FOXP1: variants seen among roughly 807,000 people sequenced by gnomAD.
FOXP1 encodes the protein forkhead box protein P1.
A neutral mutation model predicts 98.2 loss-of-function variants in FOXP1; 15 were observed. The ratio of observed to expected loss-of-function variants is 0.15; its 90% CI spans 0.10 to 0.24. FOXP1 has a LOEUF of 0.24. Among genes scored for constraint, FOXP1 ranks in the 10% least tolerant of loss-of-function variants. The pLI, the probability that FOXP1 is intolerant of heterozygous loss-of-function variation, is 1.00. For missense variants in FOXP1, 633 were observed against 848.5 expected (o/e 0.75, Z 3.15); for synonymous variants, 371 against 314.5 (o/e 1.18, Z -1.90).
At chr3:70,982,760 T>C (rs947438566) in intron 14 of FOXP1, among the ~76,000 whole-genome samples, 3 of 152,084 alleles carry the variant, frequency 2.0e-5, no homozygotes, top group African/African-American at 7.2e-5. Context: ...TGTTTAAAGA[T>C]GATGAGTCAC....
chr3:71,140,942 G>A (rs1256610445), intron 6 of FOXP1, among the ~76,000 whole-genome samples: 3 of 151,108 alleles, frequency 2.0e-5, no homozygotes, highest in African/African-American at 7.3e-5. Flanking sequence ...AGTAAGACTT[G>A]GTCTCCAAGA....
At chr3:71,308,056 T>C (rs1304814724) in intron 4 of FOXP1, among the ~76,000 whole-genome samples, 1 of 151,416 alleles carries the variant, frequency 6.6e-6, no homozygotes, top group African/African-American at 2.4e-5. Flanking sequence ...TATGCAAGCT[T>C]TAGATGCTGA....
intron 3 of FOXP1, among the ~76,000 whole-genome samples, chr3:71,477,771 G>C (rs1187037126): frequency 6.6e-6 from 1 of 152,114 alleles, no homozygotes; most frequent in African/African-American, 2.4e-5. Flanking sequence ...CAATGGAAAA[G>C]AATATTACAA....
At chr3:71,053,603 G>C (rs765145433) in intron 8 of FOXP1, 33 bp downstream of exon 8, 2 of 1,613,532 alleles carry the variant, frequency 1.2e-6, no homozygotes, top group Non-Finnish European at 1.7e-6. Flanking sequence ...GGTTCTGGGG[G>C]AGACAGGCTG....
In FOXP1 at chr3:71,022,039, G is replaced by A. The variant is rs556436658; in HGVS notation, c.870-6386C>T. Among the ~76,000 whole-genome samples, 15 of 152,244 alleles carry A rather than the reference G, an allele frequency of 9.9e-5. No individual in the cohort carries two copies. The South Asian group carries it at 2.9e-3, about 29-fold the overall frequency. ...TCAGAAACCATTGCCTAAACTCAAG[G>A]TAACAAAGAGTTACTTCTAGCTTTG... On this transcript the variant is annotated intron_variant, in intron 11 of 20. Coordinates refer to ENST00000649528, the MANE Select transcript of FOXP1 (RefSeq NM_001349338.3).
chr3:71,497,536 C>T (rs1387133407), intron 2 of FOXP1, among the ~76,000 whole-genome samples: 1 of 152,170 alleles, frequency 6.6e-6, no homozygotes, highest in Non-Finnish European at 1.5e-5. Flanking sequence ...AGGCCATGGA[C>T]TGCAAATGTG....
intron 4 of FOXP1, among the ~76,000 whole-genome samples, chr3:71,318,001 A>C (rs1026960237): frequency 1.3e-5 from 2 of 151,722 alleles, no homozygotes; most frequent in Non-Finnish European, 3.0e-5. Context: ...CTTTAGCCAT[A>C]GTTAGATGTA....
rs376720813 is a variant in FOXP1, at chr3:71,007,622, C to G, written c.975-6563G>C. Among the ~76,000 whole-genome samples, 21 of 152,204 alleles carry G rather than the reference C, an allele frequency of 1.4e-4. No homozygotes were observed. In the East Asian group the frequency reaches 3.1e-3, roughly 22 times the overall value. On this transcript the variant is annotated intron_variant, in intron 12 of 20. Transcript: ENST00000649528. Reference sequence around the variant, plus strand: ...GGCTGTTAAACAAAAGCCTCTTTGTCGAGGCTTTCTTGAAGTGTTTTCTTA... The same window carrying G: ...GGCTGTTAAACAAAAGCCTCTTTGTGGAGGCTTTCTTGAAGTGTTTTCTTA...
At chr3:71,267,137 G>A (rs1000441410) in intron 5 of FOXP1, among the ~76,000 whole-genome samples, 1 of 152,102 alleles carries the variant, frequency 6.6e-6, no homozygotes, top group Non-Finnish European at 1.5e-5. Flanking sequence ...GTGTGTGTGT[G>A]TGTGTGTGTG....
chr3:70,986,624 T>C (rs2039779469), intron 14 of FOXP1, among the ~76,000 whole-genome samples: 1 of 152,154 alleles, frequency 6.6e-6, no homozygotes, highest in Admixed American at 6.5e-5. Flanking sequence ...CTTAGCTGGG[T>C]TCTAGAAGGA....
rs188060776 is a variant in FOXP1, at chr3:71,321,314, G to A, written c.-72-21434C>T. 4.6e-5 allele frequency among the ~76,000 whole-genome samples: 7 copies of A among 152,250 alleles called. No homozygotes were observed. In the East Asian group the frequency reaches 1.4e-3, roughly 29 times the overall value. On this transcript the variant is annotated intron_variant, in intron 4 of 20. Transcript: ENST00000649528. Reference sequence around the variant, plus strand: ...GGCCTTCAAAACAGTGTGGAAGAAAGAGTTGTCATGGGACAAACCAGTGAC... The same window carrying A: ...GGCCTTCAAAACAGTGTGGAAGAAAAAGTTGTCATGGGACAAACCAGTGAC...
rs1269546492 is a variant in FOXP1 at position 70,995,092 on chromosome 3, T to C, written c.1062+5880A>G. Among the ~76,000 whole-genome samples the C allele has an allele frequency of 1.2e-4, 19 of 152,160 alleles. 1 individual carries two copies. Among genetic ancestry groups the C allele is most frequent in the Admixed American group, 1.2e-3 (19 of 15,282 alleles). On this transcript the variant is annotated intron_variant, in intron 13 of 20. Transcript: ENST00000649528. Reference sequence around the variant, plus strand: ...CCCTTTTCCCCAAACGGAATTAAAATCCAACCACCACTGCAACTTTTTGTG... The same window carrying C: ...CCCTTTTCCCCAAACGGAATTAAAACCCAACCACCACTGCAACTTTTTGTG...
intron 5 of FOXP1, among the ~76,000 whole-genome samples, chr3:71,232,367 T>C (rs573128922): frequency 6.6e-6 from 1 of 152,294 alleles, no homozygotes; most frequent in Non-Finnish European, 1.5e-5. Context: ...CAATTAGCAA[T>C]GTCTGCTATG....
chr3:70,958,054 C>G lies in FOXP1; in HGVS notation c.*1193G>C. The stretch of plus-strand genomic sequence containing the variant: ...ACCCGTTATCGCAGAGCACCCAAGG[C>G]CCATGGCAACTTGGTTCCACAAGGG... On this transcript the variant is annotated 3_prime_UTR_variant, in exon 21 of 21. Transcript: ENST00000649528. 1 of 294,478 alleles carries G rather than the reference C, an allele frequency of 3.4e-6. No individual in the cohort carries two copies. The highest frequency in any genetic ancestry group is 6.6e-6 in the Non-Finnish European group (1 of 152,620). The allele number at this position is 294,478 out of a possible 1,614,324, so 18.2% of individuals were successfully genotyped here.
intron 5 of FOXP1, among the ~76,000 whole-genome samples, chr3:71,246,417 A>G (rs1017936881): frequency 1.3e-5 from 2 of 152,194 alleles, no homozygotes; most frequent in African/African-American, 4.8e-5. Flanking sequence ...AGGCTGATCT[A>G]GCAAATAAAA....
chr3:71,104,711 C>T (rs2057281023), intron 7 of FOXP1, among the ~76,000 whole-genome samples: 1 of 151,514 alleles, frequency 6.6e-6, no homozygotes, highest in Non-Finnish European at 1.5e-5. Context: ...CCATCCACAA[C>T]ATTTGGGGAG....
chr3:71,533,512 G>T (rs1179595801), intron 2 of FOXP1, among the ~76,000 whole-genome samples: 1 of 152,116 alleles, frequency 6.6e-6, no homozygotes, highest in African/African-American at 2.4e-5. Flanking sequence ...TACCAGGAAA[G>T]CTTCTGTTCT....
intron 6 of FOXP1, among the ~76,000 whole-genome samples, chr3:71,123,580 C>A (rs1228740769): frequency 1.3e-5 from 2 of 152,102 alleles, no homozygotes; most frequent in Admixed American, 6.5e-5. Flanking sequence ...TCCTTTTTAA[C>A]CCAAATTTCA....
chr3:71,248,248 C>T (rs2067905912), intron 5 of FOXP1, among the ~76,000 whole-genome samples: 1 of 152,168 alleles, frequency 6.6e-6, no homozygotes, highest in African/African-American at 2.4e-5. Context: ...TATGGGAAAG[C>T]AAACCAACTA....
Sources: gnomAD v4.1 joint callset for allele counts (sites outside exome capture counted in the v4.1 genomes callset) on GRCh38, gnomAD v4.1.1 for gene constraint, MANE v1.5 for transcripts, NCBI Gene and HGNC (gene_info 2026-07-23, HGNC 2026-07-21) for gene names.